Variants in GRIK1 observed in about 807,000 individuals in gnomAD.
GRIK1 encodes glutamate ionotropic receptor kainate type subunit 1, also known as glutamate receptor ionotropic, kainate 1.
GRIK1 carries 69 observed loss-of-function variants against 105.7 expected under a neutral mutation model. That is an observed-to-expected ratio of 0.65 (90% confidence interval 0.54 to 0.80). GRIK1 has a LOEUF of 0.80. Among genes scored for constraint, GRIK1 ranks in the 30% least tolerant of loss-of-function variants. The probability of loss-of-function intolerance (pLI) is 0.00; values close to 1 mark genes in which losing one functional copy is unlikely to be tolerated. For missense variants in GRIK1, 1,109 were observed against 1,167.3 expected (o/e 0.95, Z 0.73); for synonymous variants, 438 against 431.3 (o/e 1.02, Z -0.19).
rs748055928 is a variant in GRIK1, at chr21:29,561,629, G to A, written c.2351C>T (p.Pro784Leu). Residue 784 changes from proline (P) to leucine (L), a missense_variant, in exon 15 of 18, where the codon CCT (proline) becomes CTT (leucine). Pro to Leu is a moderately conservative substitution (Grantham distance 98). Around this residue, in one of 5 missense-constraint regions of GRIK1, gnomAD observed 264 missense variants for 306.9 expected, o/e 0.86. Coordinates refer to ENST00000327783, the MANE Select transcript of GRIK1 (RefSeq NM_001330994.2). ...TTCATGTCTACCCGTCTTACCAATAGGTGTTCCCACTCCGTAACCTTTGGA... is the reference window on the plus strand; with the variant it reads ...TTCATGTCTACCCGTCTTACCAATAAGTGTTCCCACTCCGTAACCTTTGGA... The part of the protein sequence containing the change: ...IDSKGYGVGT[P>L]IGSPYRDKIT... 6.2e-7 allele frequency: 1 copy of A among 1,600,020 alleles called. No individual in the cohort carries two copies. The highest frequency in any genetic ancestry group is 1.7e-5 in the Admixed American group (1 of 60,002).
intron 16 of GRIK1, among the ~76,000 whole-genome samples, chr21:29,546,849 T>C (rs781008423): frequency 5.3e-5 from 8 of 152,218 alleles, no homozygotes; most frequent in Non-Finnish European, 8.8e-5. Context: ...GTTTAACTCA[T>C]TTTTAGTTTG....
intron 1 of GRIK1, among the ~76,000 whole-genome samples, chr21:29,736,275 A>G (rs571733702): frequency 4.6e-4 from 70 of 152,212 alleles, no homozygotes; most frequent in Non-Finnish European, 8.8e-4. Context: ...GCTGGAGTGC[A>G]GTGGTACAAT....
rs1217021140 is a variant in GRIK1, at chr21:29,671,289, A to AT, written c.726+1693dup. On this transcript the variant is annotated intron_variant, in intron 4 of 17. Coordinates refer to ENST00000327783, the MANE Select transcript of GRIK1 (RefSeq NM_001330994.2). ...AGGTGCCCACCACCACACCTGGCTA[A>AT]TTTTTTTGTATTTTTAGTAGAGACA... Among the ~76,000 whole-genome samples, 4 of 151,470 alleles carry AT rather than the reference A, an allele frequency of 2.6e-5. No individual in the cohort carries two copies. In the South Asian group the frequency reaches 6.3e-4, roughly 24 times the overall value.
intron 16 of GRIK1, among the ~76,000 whole-genome samples, chr21:29,554,192 T>C (rs780435895): frequency 2.0e-5 from 3 of 152,208 alleles, no homozygotes; most frequent in Non-Finnish European, 4.4e-5. Flanking sequence ...AATTTCAAGA[T>C]GACAGGAGAG....
chr21:29,556,304 C>G (rs1207133938), intron 15 of GRIK1, among the ~76,000 whole-genome samples: 1 of 152,198 alleles, frequency 6.6e-6, no homozygotes, highest in African/African-American at 2.4e-5. Flanking sequence ...GCATAAAGCT[C>G]TTGCCCCAAC....
chr21:29,642,663 C>G (rs2062536014), intron 7 of GRIK1, among the ~76,000 whole-genome samples, 163 bp downstream of exon 7: 2 of 152,224 alleles, frequency 1.3e-5, no homozygotes, highest in South Asian at 4.1e-4. Flanking sequence ...GCTAGTCCTT[C>G]TGGACAAACT....
chr21:29,710,769 G>A (rs1295233234), intron 1 of GRIK1, among the ~76,000 whole-genome samples: 13 of 83,348 alleles, frequency 1.6e-4, no homozygotes, highest in Admixed American at 6.2e-4. Flanking sequence ...CCCTCCGTCC[G>A]TCCCTCCCTC....
intron 1 of GRIK1, among the ~76,000 whole-genome samples, chr21:29,927,370 G>A (rs973295756): frequency 4.7e-5 from 7 of 150,238 alleles, no homozygotes; most frequent in Non-Finnish European, 8.9e-5. Context: ...AACTATATAT[G>A]TATTTGTATA....
chr21:29,590,437 G>A lies in GRIK1; in HGVS notation c.1365+675C>T, dbSNP rs111530858. ...CGGTAGCTGTACAGTGGCTGGATGG[G>A]GCATGACCAGGGCACTAATAGGAGG... On this transcript the variant is annotated intron_variant, in intron 10 of 17. Transcript: ENST00000327783. 1.1e-3 allele frequency among the ~76,000 whole-genome samples: 163 copies of A among 152,254 alleles called. 1 individual carries two copies. The highest frequency in any genetic ancestry group is 3.9e-3 in the African/African-American group (161 of 41,526).
intron 1 of GRIK1, among the ~76,000 whole-genome samples, chr21:29,897,541 A>G (rs947276136): frequency 3.3e-5 from 5 of 152,228 alleles, no homozygotes; most frequent in Admixed American, 1.3e-4. Flanking sequence ...ATCAATTTCA[A>G]TAATGATTTA....
chr21:29,615,757 A>G (rs980265990), intron 7 of GRIK1, among the ~76,000 whole-genome samples: 24 of 152,204 alleles, frequency 1.6e-4, no homozygotes, highest in African/African-American at 5.3e-4. Flanking sequence ...TTATTTTGAA[A>G]CATGAGCCCT....
At chr21:29,736,516 A>G (rs1026351038) in intron 1 of GRIK1, among the ~76,000 whole-genome samples, 1 of 152,118 alleles carries the variant, frequency 6.6e-6, no homozygotes, top group African/African-American at 2.4e-5. Context: ...GGCATGAGCC[A>G]CTGTACCTGG....
chr21:29,812,392 AAATG>A (rs1488855045), intron 1 of GRIK1, among the ~76,000 whole-genome samples: 2 of 152,204 alleles, frequency 1.3e-5, no homozygotes, highest in East Asian at 3.8e-4. Context: ...ATATGAACAT[AAATG>A]AATGGCAGTA....
chr21:29,903,246 C>T (rs1369214512), intron 1 of GRIK1, among the ~76,000 whole-genome samples: 1 of 152,050 alleles, frequency 6.6e-6, no homozygotes, highest in Non-Finnish European at 1.5e-5. Flanking sequence ...TCTAAAACAC[C>T]AAAAGTGATG....
intron 1 of GRIK1, chr21:29,758,696 G>A (rs2065419865): frequency 6.6e-6 from 1 of 152,636 alleles, no homozygotes; most frequent in African/African-American, 2.4e-5. Context: ...TCCAGTCAAA[G>A]AAGCCTGTAT....
intron 3 of GRIK1, among the ~76,000 whole-genome samples, chr21:29,686,583 G>A (rs2063490148): frequency 6.6e-6 from 1 of 152,242 alleles, no homozygotes; most frequent in Admixed American, 6.5e-5. Flanking sequence ...ACCTAGCCCA[G>A]CATGTATTTT....
intron 1 of GRIK1, among the ~76,000 whole-genome samples, chr21:29,835,993 A>C (rs2067792521): frequency 7.4e-6 from 1 of 135,168 alleles, no homozygotes. Context: ...ACTTTGGTGA[A>C]AGAAAGCTGT....
chr21:29,881,699 T>A (rs1449170041), intron 1 of GRIK1, among the ~76,000 whole-genome samples: 1 of 152,132 alleles, frequency 6.6e-6, no homozygotes, highest in Non-Finnish European at 1.5e-5. Flanking sequence ...TCCCTGTCCC[T>A]TTCTTCTTCT....
At chr21:29,573,134 G>A (rs567372469) in intron 14 of GRIK1, among the ~76,000 whole-genome samples, 4 of 152,206 alleles carry the variant, frequency 2.6e-5, no homozygotes, top group African/African-American at 7.2e-5. Context: ...TGCACAGGGC[G>A]TACTGCTATT....
Sources: allele counts gnomAD v4.1 joint callset (sites outside exome capture counted in the v4.1 genomes callset), GRCh38; gene constraint gnomAD v4.1.1; regional missense constraint gnomAD v4.1.1; transcripts MANE v1.5; gene names NCBI Gene and HGNC (gene_info 2026-07-23, HGNC 2026-07-21).